C2CD2: variants seen among roughly 807,000 people sequenced by gnomAD.
C2CD2 encodes C2 calcium dependent domain containing 2.
In C2CD2, 43 loss-of-function variants were observed where a neutral mutation model predicts 74.3. The ratio of observed to expected loss-of-function variants is 0.58; its 90% CI spans 0.45 to 0.75. C2CD2 has a LOEUF of 0.75. Ranked by LOEUF, C2CD2 falls within the 30% of genes least tolerant of loss-of-function variation. The probability of loss-of-function intolerance (pLI) is 0.00; values close to 1 mark genes in which losing one functional copy is unlikely to be tolerated. For missense variants in C2CD2, 801 were observed against 916.3 expected, an observed-to-expected ratio of 0.87 and a Z score of 1.63; for synonymous variants, 422 against 390.7, an observed-to-expected ratio of 1.08 and a Z score of -0.94.
chr21:41,889,160 G>A lies in C2CD2; in HGVS notation c.2055C>T (p.Asn685=), dbSNP rs758543547. The A allele has an allele frequency of 1.2e-6, 2 of 1,612,618 alleles. No homozygotes were observed. Among genetic ancestry groups the A allele is most frequent in the South Asian group, 2.2e-5 (2 of 91,002 alleles). Residue 685 remains asparagine (N), a synonymous_variant, in exon 14 of 14, where the codon AAC becomes AAT. Transcript: ENST00000380486. ...KKLLSRHRNK[N]TMNGAPVEPC... is the part of the protein sequence containing the mutation. ...GCTCCACGGGGGCACCGTTCATGGT[G>A]TTCTTGTTTCTGTGCCTGGAGAGCA... is the stretch of plus-strand genomic sequence containing the variant.
Position 41,903,854 on chromosome 21 carries a change from C to T in C2CD2, c.1432+1870G>A, listed in dbSNP as rs866161299. Among the ~76,000 whole-genome samples the T allele has an allele frequency of 2.0e-5, 3 of 152,126 alleles. No homozygotes were observed. The highest frequency in any genetic ancestry group is 2.9e-5 in the Non-Finnish European group (2 of 68,014). Reference sequence around the variant, plus strand: ...GGTCTTTTAAGAGGGATCCTGCCCACGTGACAGGACCCCGCAGCATGGGCA... The same window carrying T: ...GGTCTTTTAAGAGGGATCCTGCCCATGTGACAGGACCCCGCAGCATGGGCA... On this transcript the variant is annotated intron_variant, in intron 11 of 13. Transcript: ENST00000380486. This position sits in a 1 kb window ranked among gnomAD's most constrained non-coding sequence, Gnocchi z 4.5.
chr21:41,901,370 A>C (rs2064894105), intron 12 of C2CD2: 3 of 550,814 alleles, frequency 5.4e-6, no homozygotes, highest in Non-Finnish European at 6.5e-6. Context: ...TCTTGAAATG[A>C]TTTGCCAACC....
rs1056659004 is a variant in C2CD2 at position 41,953,636 on chromosome 21, G to C, written c.13C>G (p.Arg5Gly). MAMA[R>G]LGSWLGEAQW... ...GCCTCCCCGAGCCACGAGCCCAGCC[G>C]GGCCATGGCCATGGCGCATCCCCGG... Residue 5 changes from arginine (R) to glycine (G), a missense_variant, in exon 1 of 14, where the codon CGG (arginine) becomes GGG (glycine). Physicochemically the swap from Arg to Gly is moderately radical, Grantham distance 125 (BLOSUM62 -2). Coordinates refer to ENST00000380486, the MANE Select transcript of C2CD2 (RefSeq NM_015500.2). 1 of 1,477,726 alleles carries C rather than the reference G, an allele frequency of 6.8e-7. No homozygotes were observed. The highest frequency in any genetic ancestry group is 8.9e-7 in the Non-Finnish European group (1 of 1,123,486). 91.5% of individuals were successfully genotyped at this position (1,477,726 alleles called of 1,614,324 possible). A position where few individuals can be genotyped will look rare whatever the true frequency, so the allele number is the denominator to read the frequency against.
In C2CD2 at chr21:41,926,441, A is replaced by G; in HGVS notation, c.379-4356T>C. ...GGGTTTGGGTCGGGGAGCCCTGGGC[A>G]GCAGATGGAAGCACCACGGGGAGGG... On this transcript the variant is annotated intron_variant, in intron 2 of 13. Coordinates refer to ENST00000380486, the MANE Select transcript of C2CD2 (RefSeq NM_015500.2). This position sits in a 1 kb window ranked among gnomAD's most constrained non-coding sequence, Gnocchi z 8.0. 1 of 973,132 alleles carries G rather than the reference A, an allele frequency of 1.0e-6. No homozygotes were observed. Among genetic ancestry groups the G allele is most frequent in the Non-Finnish European group, 1.2e-6 (1 of 818,902 alleles). 60.3% of individuals were successfully genotyped at this position (973,132 alleles called of 1,614,324 possible). A position where few individuals can be genotyped will look rare whatever the true frequency, so the allele number is the denominator to read the frequency against.
chr21:41,920,239 T>C (rs1452583414), intron 3 of C2CD2, among the ~76,000 whole-genome samples: 1 of 152,272 alleles, frequency 6.6e-6, no homozygotes, highest in Non-Finnish European at 1.5e-5. Context: ...TCCTTCACGA[T>C]GGCATCACCA....
rs777085476 is a variant in C2CD2 at position 41,897,877 on chromosome 21, G to T, written c.1870+1176C>A. ...GCTGCACTGTGAGGCTGCCTTGTGG[G>T]GGCGTGTCCTGTGCACGGCAGGGCG... On this transcript the variant is annotated intron_variant, in intron 13 of 13. Transcript: ENST00000380486. 7.2e-5 allele frequency among the ~76,000 whole-genome samples: 11 copies of T among 152,302 alleles called. No individual in the cohort carries two copies. In the East Asian group the frequency reaches 2.1e-3, roughly 29 times the overall value.
chr21:41,948,209 T>C (rs758811312), intron 1 of C2CD2, among the ~76,000 whole-genome samples: 1 of 152,180 alleles, frequency 6.6e-6, no homozygotes, highest in Non-Finnish European at 1.5e-5. Context: ...GATGGGGGAA[T>C]GGGCATCACC....
rs571197268 is a variant in C2CD2, at chr21:41,907,027, C to T, written c.1283G>A (p.Arg428His). Residue 428 changes from arginine to histidine, a missense_variant, in exon 10 of 14, where the codon CGC (arginine) becomes CAC (histidine). By Grantham distance (29) the Arg-to-His change is conservative. Coordinates refer to ENST00000380486, the MANE Select transcript of C2CD2 (RefSeq NM_015500.2). ...TTVTAVKTKPRVDVGRASPLS... is the reference protein window; with the variant it reads ...TTVTAVKTKPHVDVGRASPLS... ...CGGGGACGCCCTCCCCACGTCGACG[C>T]GAGGCTTGGTCTTCACAGCAGTGAC... The T allele has an allele frequency of 5.0e-6, 8 of 1,614,094 alleles. No individual in the cohort carries two copies. The highest frequency in any genetic ancestry group is 1.7e-5 in the Admixed American group (1 of 60,022).
Position 41,945,619 on chromosome 21 carries a change from C to A in C2CD2, c.280-3374G>T, listed in dbSNP as rs746631864. On this transcript the variant is annotated intron_variant, in intron 1 of 13. Transcript: ENST00000380486. This position sits in a 1 kb window ranked among gnomAD's most constrained non-coding sequence, Gnocchi z 4.2. ...TGATTCGGTTTGGCTCTGTTTGTAA[C>A]CACCATGTGTCAAGAGAGGGACCTG... 1.3e-5 allele frequency among the ~76,000 whole-genome samples: 2 copies of A among 152,152 alleles called. No individual in the cohort carries two copies. The highest frequency in any genetic ancestry group is 2.9e-5 in the Non-Finnish European group (2 of 68,026).
intron 10 of C2CD2, 100 bp downstream of exon 10, chr21:41,906,892 C>A: frequency 1.2e-6 from 1 of 857,528 alleles, no homozygotes; most frequent in Non-Finnish European, 1.9e-6. Flanking sequence ...TTTCCTAACA[C>A]TCGGCGCTGC....
In C2CD2 at chr21:41,886,351, CACA is replaced by C. The variant is rs1331355685; in HGVS notation, c.*2770_*2772del. The stretch of plus-strand genomic sequence containing the variant: ...ATAATCTTAATTTATCTTTAACCTT[CACA>C]ACATTTACTTTGTCATAAATACCCT... On this transcript the variant is annotated 3_prime_UTR_variant, in exon 14 of 14. Transcript: ENST00000380486. The C allele has an allele frequency of 2.6e-5, 4 of 152,218 alleles. No individual in the cohort carries two copies. Among genetic ancestry groups the C allele is most frequent in the Non-Finnish European group, 5.9e-5 (4 of 68,052 alleles). 9.4% of individuals were successfully genotyped at this position (152,218 alleles called of 1,614,324 possible).
chr21:41,937,456 A>C (rs116514702), intron 2 of C2CD2, among the ~76,000 whole-genome samples: 2,329 of 152,348 alleles, frequency 0.015, 61 homozygotes, highest in African/African-American at 0.053. Context: ...AGAGTATATA[A>C]TACAGATAAC....
intron 10 of C2CD2, 66 bp from the exon 11 acceptor site, chr21:41,905,903 A>C: frequency 1.1e-6 from 1 of 893,170 alleles, no homozygotes; most frequent in Non-Finnish European, 1.9e-6. Context: ...GTTACCGAAA[A>C]GTGAAAGGAC....
intron 13 of C2CD2, among the ~76,000 whole-genome samples, chr21:41,891,923 C>A: frequency 6.6e-6 from 1 of 152,182 alleles, no homozygotes; most frequent in East Asian, 1.9e-4. Flanking sequence ...GCTGGCCTGG[C>A]GTCTGTATCC....
chr21:41,894,990 G>A (rs1367858395), intron 13 of C2CD2: 6 of 456,154 alleles, frequency 1.3e-5, no homozygotes, highest in Admixed American at 1.2e-4. Flanking sequence ...CCTGGCTGCA[G>A]CACCCGGAGA....
chr21:41,917,183 C>G (rs1455269621), intron 5 of C2CD2, among the ~76,000 whole-genome samples: 1 of 152,200 alleles, frequency 6.6e-6, no homozygotes, highest in East Asian at 1.9e-4. Context: ...ATAGCCAGGG[C>G]TTAGCAGCAA....
Position 41,885,230 on chromosome 21 carries a change from TA to T in C2CD2, c.*3893del, listed in dbSNP as rs1469269186. 1 of 152,232 alleles carries T rather than the reference TA, an allele frequency of 6.6e-6. No individual in the cohort carries two copies. Among genetic ancestry groups the T allele is most frequent in the African/African-American group, 2.4e-5 (1 of 41,456 alleles). 9.4% of individuals were successfully genotyped at this position (152,232 alleles called of 1,614,324 possible). Reference sequence around the variant, plus strand: ...TTGCTGCAGGGCTGTCTTCGGCGTTTAAAGTGCTACTGAGGAATACAATCAT... The same window carrying T: ...TTGCTGCAGGGCTGTCTTCGGCGTTTAAGTGCTACTGAGGAATACAATCAT... On this transcript the variant is annotated 3_prime_UTR_variant, in exon 14 of 14. Coordinates refer to ENST00000380486, the MANE Select transcript of C2CD2 (RefSeq NM_015500.2).
At chr21:41,907,236 T>G (rs1446362636) in intron 9 of C2CD2, 70 bp from the exon 10 acceptor site, 5 of 1,180,994 alleles carry the variant, frequency 4.2e-6, no homozygotes, top group Non-Finnish European at 6.3e-6. Flanking sequence ...CAGGTAACAC[T>G]GCCTTCTTGT....
At chr21:41,898,262 A>G (rs961448510) in intron 13 of C2CD2, among the ~76,000 whole-genome samples, 11 of 152,036 alleles carry the variant, frequency 7.2e-5, no homozygotes, top group African/African-American at 2.7e-4. Context: ...CTGCACCAAG[A>G]TGTCCTTTTG....
Sources: allele counts gnomAD v4.1 joint callset (sites outside exome capture counted in the v4.1 genomes callset), GRCh38; gene constraint gnomAD v4.1.1; non-coding constraint Gnocchi (gnomAD v3.1); transcripts MANE v1.5; gene names NCBI Gene and HGNC (gene_info 2026-07-23, HGNC 2026-07-21).